Variants in WASF3 observed in about 807,000 individuals in gnomAD.
The protein encoded by WASF3 is WASP family member 3.
Under a neutral mutation model 46.6 loss-of-function variants are expected in WASF3, and 11 were observed. The ratio of observed to expected loss-of-function variants is 0.24; its 90% CI spans 0.15 to 0.39. The LOEUF (loss-of-function observed/expected upper bound fraction) is 0.39. Ranked by LOEUF, WASF3 falls within the 10% of genes least tolerant of loss-of-function variation. WASF3 has a pLI of 1.00. For missense variants in WASF3, 576 were observed against 669.8 expected (o/e 0.86, Z 1.55); for synonymous variants, 242 against 259.7 (o/e 0.93, Z 0.65).
chr13:26,635,296 C>T (rs1195502054), intron 2 of WASF3, among the ~76,000 whole-genome samples: 3 of 152,178 alleles, frequency 2.0e-5, no homozygotes, highest in African/African-American at 7.2e-5. Flanking sequence ...GAAGCTTGTG[C>T]ATGCGTCATG....
chr13:26,629,010 C>A (rs143354193), intron 2 of WASF3, among the ~76,000 whole-genome samples: 1 of 152,200 alleles, frequency 6.6e-6, no homozygotes, highest in Admixed American at 6.5e-5. Context: ...GCTGGCCCAG[C>A]GTTCATTGGG....
chr13:26,677,564 T>C (rs769752006), intron 7 of WASF3, among the ~76,000 whole-genome samples: 8 of 152,232 alleles, frequency 5.3e-5, no homozygotes, highest in Admixed American at 1.3e-4. Context: ...AAACTCAGTG[T>C]TTAGCACAAA....
intron 1 of WASF3, among the ~76,000 whole-genome samples, chr13:26,570,979 A>C (rs1431918061): frequency 6.6e-6 from 1 of 152,128 alleles, no homozygotes; most frequent in Non-Finnish European, 1.5e-5. Flanking sequence ...GAAGCTTTCA[A>C]ATTTTTGCCA....
intron 3 of WASF3, among the ~76,000 whole-genome samples, chr13:26,658,369 G>A (rs1882527985): frequency 6.6e-6 from 1 of 152,136 alleles, no homozygotes; most frequent in Non-Finnish European, 1.5e-5. Context: ...TTTGGAACGT[G>A]GTGCTCATCT....
rs1883396196 is a variant in WASF3 at position 26,686,081 on chromosome 13, T to C, written c.*236T>C. 4.0e-6 allele frequency: 2 copies of C among 505,464 alleles called. No homozygotes were observed. Among genetic ancestry groups the C allele is most frequent in the South Asian group, 3.2e-5 (1 of 30,900 alleles). 31.3% of individuals were successfully genotyped at this position (505,464 alleles called of 1,614,324 possible). On this transcript the variant is annotated 3_prime_UTR_variant, in exon 10 of 10. Coordinates refer to ENST00000335327, the MANE Select transcript of WASF3 (RefSeq NM_006646.6). The stretch of plus-strand genomic sequence containing the variant: ...GAGGAAATAGGCTGTCACTATCACA[T>C]TGTCCTGAAAACAGCATCTGCTTTC...
chr13:26,683,193 G>A (rs1883295537), intron 9 of WASF3, among the ~76,000 whole-genome samples: 1 of 152,152 alleles, frequency 6.6e-6, no homozygotes, highest in African/African-American at 2.4e-5. Flanking sequence ...GGAAACAGCC[G>A]GGCGCGGTGG....
At chr13:26,665,573 A>C (rs1377578599) in intron 4 of WASF3, among the ~76,000 whole-genome samples, 2 of 141,650 alleles carry the variant, frequency 1.4e-5, no homozygotes, top group Non-Finnish European at 3.1e-5. Context: ...TGGTGTTCTT[A>C]GGATTGATGC....
intron 1 of WASF3, among the ~76,000 whole-genome samples, chr13:26,596,879 C>T (rs1880482489): frequency 6.6e-6 from 1 of 152,182 alleles, no homozygotes; most frequent in Non-Finnish European, 1.5e-5. Context: ...CTGTTAAGCT[C>T]ATCGAATGAG....
chr13:26,681,170 C>T lies in WASF3; in HGVS notation c.833C>T (p.Ala278Val), dbSNP rs1883216202. ...AAGDVPPHGP[A>V]SQAAEHEYRP... ...GGTGACGTGCCACCACACGGGCCTG[C>T]AAGCCAGGCTGCGGAGCATGAGTAC... Residue 278 changes from alanine to valine, a missense_variant, in exon 8 of 10, where the codon GCA becomes GTA. Ala to Val is a moderately conservative substitution (Grantham distance 64). Coordinates refer to ENST00000335327, the MANE Select transcript of WASF3 (RefSeq NM_006646.6). 2 of 1,614,076 alleles carry T rather than the reference C, an allele frequency of 1.2e-6. No individual in the cohort carries two copies. Among genetic ancestry groups the T allele is most frequent in the Non-Finnish European group, 1.7e-6 (2 of 1,180,026 alleles).
upstream of WASF3, among the ~76,000 whole-genome samples, chr13:26,554,609 C>T (rs1879060058): frequency 6.6e-6 from 1 of 152,158 alleles, no homozygotes. Context: ...GTTCCTACTG[C>T]CTTTTCCAGA....
chr13:26,541,462 G>A, the WASF3 span, among the ~76,000 whole-genome samples: 1 of 152,112 alleles, frequency 6.6e-6, no homozygotes, highest in African/African-American at 2.4e-5. Flanking sequence ...ATATTCTGAG[G>A]ACTAAATGGA....
chr13:26,629,640 C>T (rs1383744521), intron 2 of WASF3, among the ~76,000 whole-genome samples: 1 of 152,116 alleles, frequency 6.6e-6, no homozygotes, highest in African/African-American at 2.4e-5. Flanking sequence ...CCTAGGCACA[C>T]AGGGGAGGGG....
At chr13:26,623,713 A>G (rs1455226539) in intron 2 of WASF3, among the ~76,000 whole-genome samples, 2 of 152,202 alleles carry the variant, frequency 1.3e-5, no homozygotes, top group African/African-American at 4.8e-5. Context: ...CCTAAAATTT[A>G]GGCTGGGCCA....
upstream of WASF3, among the ~76,000 whole-genome samples, chr13:26,556,347 C>T (rs1229010222): frequency 1.3e-5 from 2 of 152,158 alleles, no homozygotes; most frequent in Non-Finnish European, 2.9e-5. Context: ...AGCCATTCCC[C>T]TGGGTAAGTG....
chr13:26,553,280 G>C (rs2138171660), upstream of WASF3, among the ~76,000 whole-genome samples: 1 of 152,172 alleles, frequency 6.6e-6, no homozygotes, highest in Non-Finnish European at 1.5e-5. Context: ...CTGTACTTCA[G>C]TATAATACCA....
chr13:26,601,888 C>T (rs915291152), intron 1 of WASF3, among the ~76,000 whole-genome samples: 7 of 152,194 alleles, frequency 4.6e-5, no homozygotes, highest in Non-Finnish European at 8.8e-5. Context: ...ATCATCACTT[C>T]CTTTTTGCCA....
intron 2 of WASF3, among the ~76,000 whole-genome samples, chr13:26,639,320 GATTA>G (rs1164936517): frequency 6.6e-6 from 1 of 152,200 alleles, no homozygotes; most frequent in East Asian, 1.9e-4. Context: ...GAAGGCTGGG[GATTA>G]ATTAGTCAAA....
intron 1 of WASF3, among the ~76,000 whole-genome samples, chr13:26,562,665 G>C (rs1193840300): frequency 6.6e-6 from 1 of 152,012 alleles, no homozygotes; most frequent in Non-Finnish European, 1.5e-5. Context: ...GTTTCCATTG[G>C]AGTTAGCCTG....
At chr13:26,569,517 A>G (rs1879570526) in intron 1 of WASF3, among the ~76,000 whole-genome samples, 1 of 152,246 alleles carries the variant, frequency 6.6e-6, no homozygotes, top group South Asian at 2.1e-4. Flanking sequence ...ATTAGAATCA[A>G]TATGAAAATA....
Sources: allele counts gnomAD v4.1 joint callset (sites outside exome capture counted in the v4.1 genomes callset), GRCh38; gene constraint gnomAD v4.1.1; transcripts MANE v1.5; gene names NCBI Gene and HGNC (gene_info 2026-07-23, HGNC 2026-07-21).